The following NBAS variants were observed in gnomAD, a reference collection of about 807,000 sequenced individuals.
NBAS encodes the protein NBAS subunit of NRZ tethering complex.
A neutral mutation model predicts 302.5 loss-of-function variants in NBAS; 219 were observed. The ratio of observed to expected loss-of-function variants is 0.72; its 90% confidence interval spans 0.65 to 0.81. NBAS has a LOEUF of 0.81. Among genes scored for constraint, NBAS ranks in the 30% least tolerant of loss-of-function variants. The pLI, the probability that NBAS is intolerant of heterozygous loss-of-function variation, is 0.00. For synonymous variants in NBAS, 1,118 were observed against 1,021.6 expected (o/e 1.09, Z -1.80); for missense variants, 2,932 against 2,841.6 (o/e 1.03, Z -0.72).
At chr2:15,285,921 A>G (rs1670020134) in intron 42 of NBAS, among the ~76,000 whole-genome samples, 1 of 152,074 alleles carries the variant, frequency 6.6e-6, no homozygotes, top group Non-Finnish European at 1.5e-5. Context: ...CGGCCTCCCA[A>G]AGTGTTGGGA....
rs1304830281 is a variant in NBAS at position 15,218,983 on chromosome 2, C to T, written c.6237-15G>A. 1 of 1,614,002 alleles carries T rather than the reference C, an allele frequency of 6.2e-7. No individual in the cohort carries two copies. Among genetic ancestry groups the T allele is most frequent in the Non-Finnish European group, 8.5e-7 (1 of 1,179,976 alleles). ...CCAGCTCCTCACTGCAGGGCAAAAT[C>T]CAGAGGTATCTGTAAACTCCTAAGC... On this transcript the variant is annotated splice_polypyrimidine_tract_variant and intron_variant, in intron 47 of 51. Coordinates refer to ENST00000281513, the MANE Select transcript of NBAS (RefSeq NM_015909.4).
chr2:15,001,111 C>T, the NBAS span, among the ~76,000 whole-genome samples: 306 of 152,180 alleles, frequency 2.0e-3, no homozygotes, highest in African/African-American at 7.0e-3. Context: ...CTTGATGACA[C>T]GTTATGAATT....
At chr2:15,349,691 C>T (rs551688847) in intron 35 of NBAS, among the ~76,000 whole-genome samples, 23 of 152,116 alleles carry the variant, frequency 1.5e-4, no homozygotes, top group Non-Finnish European at 1.0e-4. Flanking sequence ...CAGTGGTTCA[C>T]GCCTGTATTC....
the NBAS span, among the ~76,000 whole-genome samples, chr2:15,051,364 G>A: frequency 6.6e-6 from 1 of 152,144 alleles, no homozygotes; most frequent in African/African-American, 2.4e-5. Context: ...TAGCTACACT[G>A]GTATTTCATG....
chr2:14,958,018 C>G, the NBAS span, among the ~76,000 whole-genome samples: 1 of 152,206 alleles, frequency 6.6e-6, no homozygotes, highest in Non-Finnish European at 1.5e-5. Context: ...TTCCCACCTG[C>G]ATCTATTCTC....
intron 1 of NBAS, 80 bp from the exon 2 acceptor site, chr2:15,558,714 T>C: frequency 9.5e-7 from 1 of 1,055,728 alleles, no homozygotes; most frequent in Non-Finnish European, 1.4e-6. Flanking sequence ...ATATGTAAAC[T>C]TATTTTTATT....
intron 5 of NBAS, among the ~76,000 whole-genome samples, chr2:15,552,265 A>G (rs1384043223): frequency 2.6e-5 from 4 of 152,240 alleles, no homozygotes. Context: ...AATAATACCC[A>G]GTATAAAGAG....
chr2:15,049,208 C>T, the NBAS span, among the ~76,000 whole-genome samples: 1 of 152,236 alleles, frequency 6.6e-6, no homozygotes, highest in African/African-American at 2.4e-5. Flanking sequence ...CCCCCAGCTC[C>T]CTGAAGCCAG....
At chr2:14,933,205 G>C in the NBAS span, among the ~76,000 whole-genome samples, 6 of 152,290 alleles carry the variant, frequency 3.9e-5, 1 homozygote, top group African/African-American at 1.4e-4. Flanking sequence ...GGCTGGGACT[G>C]AGTCCCAGAC....
At chr2:15,443,452 A>G (rs1022752200) in intron 21 of NBAS, among the ~76,000 whole-genome samples, 14 of 152,122 alleles carry the variant, frequency 9.2e-5, no homozygotes, top group African/African-American at 2.9e-4. Flanking sequence ...AAATTCAACA[A>G]CCCTTCATGC....
At chr2:14,779,360 C>T in the NBAS span, among the ~76,000 whole-genome samples, 2 of 152,190 alleles carry the variant, frequency 1.3e-5, no homozygotes, top group Non-Finnish European at 2.9e-5. Context: ...CAGAATAAAC[C>T]TGCTGAAATA....
the NBAS span, among the ~76,000 whole-genome samples, chr2:14,900,011 T>G: frequency 2.0e-5 from 3 of 151,994 alleles, no homozygotes; most frequent in Non-Finnish European, 4.4e-5. Context: ...GGAGAGCAGT[T>G]ATAAAAGGGG....
At chr2:15,047,587 C>T in the NBAS span, among the ~76,000 whole-genome samples, 1 of 151,684 alleles carries the variant, frequency 6.6e-6, no homozygotes, top group South Asian at 2.1e-4. Context: ...AGGCTGGGCC[C>T]ATGCAGGTAA....
chr2:15,033,239 T>C, the NBAS span, among the ~76,000 whole-genome samples: 1 of 152,202 alleles, frequency 6.6e-6, no homozygotes, highest in Admixed American at 6.5e-5. Context: ...TTTTCCTATT[T>C]CTCCCTTTTG....
intron 35 of NBAS, among the ~76,000 whole-genome samples, chr2:15,346,298 A>G (rs1278718157): frequency 6.6e-6 from 1 of 152,136 alleles, no homozygotes; most frequent in Non-Finnish European, 1.5e-5. Flanking sequence ...AGAAACTTAA[A>G]CAAATTTACA....
the NBAS span, among the ~76,000 whole-genome samples, chr2:14,823,192 G>A: frequency 6.6e-6 from 1 of 152,216 alleles, no homozygotes; most frequent in Non-Finnish European, 1.5e-5. Flanking sequence ...AGAACGGTTT[G>A]CAATTAGCCA....
intron 11 of NBAS, among the ~76,000 whole-genome samples, chr2:15,497,018 A>G (rs1188169015): frequency 6.6e-6 from 1 of 152,102 alleles, no homozygotes; most frequent in Non-Finnish European, 1.5e-5. Flanking sequence ...AATGAGGACA[A>G]ATAAGGTAAA....
chr2:14,806,932 T>C, the NBAS span, among the ~76,000 whole-genome samples: 1 of 152,258 alleles, frequency 6.6e-6, no homozygotes. Context: ...TGGGGGTACA[T>C]GTTCTACTCA....
the NBAS span, among the ~76,000 whole-genome samples, chr2:15,085,168 A>C: frequency 6.6e-6 from 1 of 152,266 alleles, no homozygotes; most frequent in Admixed American, 6.5e-5. Flanking sequence ...GTGGTGCCAC[A>C]CTTGCACACG....
Sources: allele counts gnomAD v4.1 joint callset (sites outside exome capture counted in the v4.1 genomes callset), GRCh38; gene constraint gnomAD v4.1.1; transcripts MANE v1.5; gene names NCBI Gene and HGNC (gene_info 2026-07-23, HGNC 2026-07-21).